Variants in ZNF718 observed in about 807,000 individuals in gnomAD.
ZNF718 encodes zinc finger protein 718.
In ZNF718, 3 loss-of-function variants were observed where a neutral mutation model predicts 2.6. That is an observed-to-expected ratio of 1.16 (90% CI 0.53 to 3.01). ZNF718 has a LOEUF of 3.01. Among genes scored for constraint, ZNF718 ranks in the 30% most tolerant of loss-of-function variants. ZNF718 has a pLI of 0.03. For missense variants in ZNF718, 468 were observed against 230.0 expected (o/e 2.03, Z -6.69); for synonymous variants, 135 against 77.9 (o/e 1.73, Z -3.86).
intron 3 of ZNF718, among the ~76,000 whole-genome samples, chr4:133,356 G>T (rs948254439): frequency 3.3e-5 from 5 of 151,736 alleles, no homozygotes; most frequent in African/African-American, 9.7e-5. Context: ...CTGATTTAAG[G>T]TATCTACTCA....
intron 3 of ZNF718, among the ~76,000 whole-genome samples, chr4:191,100 G>T (rs1344652878): frequency 4.0e-5 from 6 of 149,074 alleles, no homozygotes; most frequent in African/African-American, 1.5e-4. Context: ...AATATTTAGA[G>T]TTGGTATCTT....
chr4:188,115 C>G (rs1717606897), intron 3 of ZNF718, among the ~76,000 whole-genome samples: 1 of 152,218 alleles, frequency 6.6e-6, no homozygotes, highest in South Asian at 2.1e-4. Flanking sequence ...GTCACACAAA[C>G]AGCTAAGGTA....
At chr4:148,707 G>T (rs139974725) in intron 3 of ZNF718, among the ~76,000 whole-genome samples, 149 of 151,960 alleles carry the variant, frequency 9.8e-4, no homozygotes, top group African/African-American at 3.5e-3. Flanking sequence ...CTCTGTGTGT[G>T]CAGGATTTCT....
At chr4:178,102 A>G (rs1178320156) in intron 3 of ZNF718, among the ~76,000 whole-genome samples, 1 of 151,906 alleles carries the variant, frequency 6.6e-6, no homozygotes, top group Non-Finnish European at 1.5e-5. Context: ...GCATACACAG[A>G]TACCTGAAAA....
downstream of ZNF718, among the ~76,000 whole-genome samples, chr4:168,311 C>G (rs1410789864): frequency 6.6e-6 from 1 of 152,090 alleles, no homozygotes; most frequent in East Asian, 1.9e-4. Context: ...CTAAAATTCT[C>G]TTTTTTTGTT....
At position 132,775 on chromosome 4, in the gene ZNF718, G is replaced by T. The variant is rs1326517529; in HGVS notation, c.226+1270G>T. Reference sequence around the variant, plus strand: ...ATTGTTTTAATATAAACTGAGATTTGTAATTTAAACTCTATTTTTGCAAGT... The same window carrying T: ...ATTGTTTTAATATAAACTGAGATTTTTAATTTAAACTCTATTTTTGCAAGT... On this transcript the variant is annotated intron_variant, in intron 3 of 3. Coordinates refer to ENST00000510175, the MANE Select transcript of ZNF718 (RefSeq NM_001039127.6). Among the ~76,000 whole-genome samples, 5 of 104,050 alleles carry T rather than the reference G, an allele frequency of 4.8e-5. 1 individual carries two copies. The highest frequency in any genetic ancestry group is 6.7e-5 in the African/African-American group (2 of 29,998). 68.3% of individuals were successfully genotyped at this position (104,050 alleles called of 152,430 possible).
In ZNF718 at chr4:170,335, C is replaced by A. The variant is rs1717196022; in HGVS notation, c.227-30746C>A. ...CTGACAATTATGTGTCTTGGAGTTG[C>A]TCCTCTTGAGGAGTATCTTTGTGGC... On this transcript the variant is annotated intron_variant and NMD_transcript_variant, in intron 3 of 4. Transcript: ENST00000642529. Among the ~76,000 whole-genome samples the A allele has an allele frequency of 2.0e-5, 3 of 152,120 alleles. No homozygotes were observed. The South Asian group carries it at 6.2e-4, about 31-fold the overall frequency.
chr4:192,414 C>T (rs960209256), intron 3 of ZNF718, among the ~76,000 whole-genome samples: 1 of 152,160 alleles, frequency 6.6e-6, no homozygotes, highest in Non-Finnish European at 1.5e-5. Flanking sequence ...AGTGAACCCT[C>T]TTTACTACCT....
At chr4:134,783 G>T (rs533831018) in intron 3 of ZNF718, among the ~76,000 whole-genome samples, 1 of 151,722 alleles carries the variant, frequency 6.6e-6, no homozygotes, top group South Asian at 2.1e-4. Flanking sequence ...ATTTGGAAAT[G>T]CAACACATAT....
In ZNF718 at chr4:150,939, G is replaced by A. The variant is rs370418854; in HGVS notation, c.227-9973G>A. On this transcript the variant is annotated intron_variant, in intron 3 of 3. Coordinates refer to ENST00000510175, the MANE Select transcript of ZNF718 (RefSeq NM_001039127.6). ...ATCAACATTTTATTGTCTAGGTGAT[G>A]AGTCAAAGAAACAGTCTAAATTACC... is the stretch of plus-strand genomic sequence containing the variant. Among the ~76,000 whole-genome samples the A allele has an allele frequency of 3.9e-5, 6 of 152,134 alleles. 1 individual carries two copies. The highest frequency in any genetic ancestry group is 6.5e-5 in the Admixed American group (1 of 15,278).
intron 3 of ZNF718, among the ~76,000 whole-genome samples, chr4:149,572 T>C (rs1250988063): frequency 6.6e-6 from 1 of 152,198 alleles, no homozygotes; most frequent in East Asian, 1.9e-4. Flanking sequence ...TGGTGTTTAA[T>C]TCAAATAAAA....
intron 3 of ZNF718, among the ~76,000 whole-genome samples, chr4:146,783 T>A (rs1393257206): frequency 6.6e-6 from 1 of 150,910 alleles, no homozygotes; most frequent in Non-Finnish European, 1.5e-5. Context: ...GTTTTTTTTT[T>A]ATATAGCTGA....
At chr4:178,863 G>A (rs144274922) in intron 3 of ZNF718, among the ~76,000 whole-genome samples, 160 of 152,178 alleles carry the variant, frequency 1.1e-3, no homozygotes, top group African/African-American at 3.6e-3. Flanking sequence ...TCCACTAAGC[G>A]TTTCCCTTGA....
chr4:184,606 C>G (rs1437769285), intron 3 of ZNF718, among the ~76,000 whole-genome samples: 1 of 152,090 alleles, frequency 6.6e-6, no homozygotes, highest in Non-Finnish European at 1.5e-5. Context: ...CTTCTTTGTA[C>G]CTCTGGTAGA....
At chr4:155,874 G>A (rs1716545540) in intron 3 of ZNF718, among the ~76,000 whole-genome samples, 1 of 152,134 alleles carries the variant, frequency 6.6e-6, no homozygotes, top group Admixed American at 6.5e-5. Flanking sequence ...TTGAATTATA[G>A]CTCCCATAAT....
At chr4:158,911 G>A (rs1468632775) in intron 3 of ZNF718, among the ~76,000 whole-genome samples, 1 of 149,404 alleles carries the variant, frequency 6.7e-6, no homozygotes, top group Admixed American at 6.6e-5. Flanking sequence ...TTTTTGCAAG[G>A]CAGATGTAGT....
chr4:183,473 G>A (rs1170681040), intron 3 of ZNF718, among the ~76,000 whole-genome samples: 1 of 152,022 alleles, frequency 6.6e-6, no homozygotes, highest in Non-Finnish European at 1.5e-5. Context: ...GAATTGCCTT[G>A]GCTATTTGGA....
downstream of ZNF718, among the ~76,000 whole-genome samples, chr4:166,702 T>C (rs547345975): frequency 6.6e-6 from 1 of 151,712 alleles, no homozygotes; most frequent in Non-Finnish European, 1.5e-5. Context: ...GGGCTGTTTG[T>C]TTTTTTTCTT....
chr4:139,651 G>A (rs1461947921), intron 3 of ZNF718, among the ~76,000 whole-genome samples: 1 of 152,124 alleles, frequency 6.6e-6, no homozygotes, highest in Non-Finnish European at 1.5e-5. Context: ...TGTGCGTTTT[G>A]TCCAATTCTT....
Sources: allele counts gnomAD v4.1 joint callset (sites outside exome capture counted in the v4.1 genomes callset), GRCh38; gene constraint gnomAD v4.1.1; transcripts MANE v1.5; gene names NCBI Gene and HGNC (gene_info 2026-07-23, HGNC 2026-07-21).